DLC1: variants seen among roughly 807,000 people sequenced by gnomAD.
DLC1 encodes rho GTPase-activating protein 7.
DLC1 carries 54 observed loss-of-function variants against 140.3 expected under a neutral mutation model. The observed-to-expected ratio is 0.38, with a 90% CI of 0.31 to 0.48. The LOEUF (loss-of-function observed/expected upper bound fraction) is 0.48, where lower values mean the gene tolerates loss of function less well. DLC1 is among the 20% of genes least tolerant of loss of function. The pLI is 0.96. For synonymous variants in DLC1, 986 were observed against 728.1 expected (o/e 1.35, Z -5.70); for missense variants, 2,536 against 1,907.0 (o/e 1.33, Z -6.14).
chr8:13,350,674 C>G (rs370022943), intron 4 of DLC1, among the ~76,000 whole-genome samples: 3 of 151,962 alleles, frequency 2.0e-5, no homozygotes, highest in African/African-American at 7.3e-5. Context: ...CTAGATGGCA[C>G]CACTGCACTC....
chr8:13,239,489 T>C (rs1256156757), intron 5 of DLC1, among the ~76,000 whole-genome samples: 1 of 152,148 alleles, frequency 6.6e-6, no homozygotes, highest in Non-Finnish European at 1.5e-5. Context: ...GGCACATAAT[T>C]GCCAAGTGAG....
chr8:13,153,763 G>A (rs1278270653), intron 5 of DLC1, among the ~76,000 whole-genome samples: 1 of 151,776 alleles, frequency 6.6e-6, no homozygotes, highest in Middle Eastern at 3.4e-3. Flanking sequence ...CAAACCTAGA[G>A]GTAGACACAG....
At chr8:13,416,818 C>G (rs547065746) in intron 2 of DLC1, among the ~76,000 whole-genome samples, 7 of 152,128 alleles carry the variant, frequency 4.6e-5, no homozygotes, top group African/African-American at 1.2e-4. Context: ...GGCCTGGGAA[C>G]CTGCCCTTTG....
intron 5 of DLC1, among the ~76,000 whole-genome samples, chr8:13,143,043 CAAAA>C (rs552138951): frequency 7.4e-5 from 9 of 121,426 alleles, no homozygotes; most frequent in African/African-American, 2.4e-4. Context: ...AACTCCGTCT[CAAAA>C]AAAAAAAAAA....
rs868169210 is a variant in DLC1, at chr8:13,553,646, C to T, written c.-126+50891G>A. 2.6e-5 allele frequency among the ~76,000 whole-genome samples: 4 copies of T among 152,040 alleles called. No homozygotes were observed. In the Middle Eastern group the frequency reaches 0.01, roughly 388 times the overall value. On this transcript the variant is annotated intron_variant, in intron 1 of 1. Coordinates refer to the DLC1 transcript ENST00000631382. ...TGGATTGCAGGCATGAGCCACTGCT[C>T]TCAGCCTCTCCATTTTTCTGTCCCC...
intron 4 of DLC1, among the ~76,000 whole-genome samples, chr8:13,330,339 A>T (rs1170562577): frequency 6.6e-6 from 1 of 152,202 alleles, no homozygotes; most frequent in Admixed American, 6.5e-5. Context: ...ACAACCTGGC[A>T]GAGGTGGAAC....
chr8:13,228,333 T>C, intron 5 of DLC1, among the ~76,000 whole-genome samples: 1 of 151,212 alleles, frequency 6.6e-6, no homozygotes, highest in South Asian at 2.1e-4. Context: ...AGGGAACATC[T>C]AAATAAAAGT....
At chr8:13,239,048 A>T (rs555120422) in intron 5 of DLC1, among the ~76,000 whole-genome samples, 2 of 152,208 alleles carry the variant, frequency 1.3e-5, no homozygotes, top group Admixed American at 1.3e-4. Flanking sequence ...ATATACAATC[A>T]CTTGGTTTTT....
chr8:13,389,479 A>G (rs74374984), intron 4 of DLC1, among the ~76,000 whole-genome samples: 3,519 of 152,220 alleles, frequency 0.023, 73 homozygotes, highest in South Asian at 0.085. Context: ...TTAGGAGAGA[A>G]ATTGATGAGC....
chr8:13,369,559 C>T (rs149165844), intron 4 of DLC1, among the ~76,000 whole-genome samples: 56 of 152,208 alleles, frequency 3.7e-4, no homozygotes, highest in African/African-American at 1.2e-3. Flanking sequence ...TCTAGTAGCT[C>T]GGGCAGAAGC....
At chr8:13,563,429 A>C (rs1314861361) in intron 1 of DLC1, among the ~76,000 whole-genome samples, 1 of 152,212 alleles carries the variant, frequency 6.6e-6, no homozygotes, top group Non-Finnish European at 1.5e-5. Flanking sequence ...TGATGTACAG[A>C]AACTATAAAT....
At chr8:13,579,047 A>C (rs1274924251) in intron 1 of DLC1, among the ~76,000 whole-genome samples, 1 of 151,518 alleles carries the variant, frequency 6.6e-6, no homozygotes, top group African/African-American at 2.4e-5. Flanking sequence ...GCACTAGAAC[A>C]AAAGAGACTC....
chr8:13,401,846 A>T (rs1837314218), intron 2 of DLC1, among the ~76,000 whole-genome samples: 1 of 152,212 alleles, frequency 6.6e-6, no homozygotes, highest in Admixed American at 6.5e-5. Flanking sequence ...TGTAAAGCAA[A>T]GTGCAATGAA....
chr8:13,433,326 G>T (rs181203132), intron 2 of DLC1, among the ~76,000 whole-genome samples: 17 of 152,230 alleles, frequency 1.1e-4, no homozygotes, highest in Non-Finnish European at 1.8e-4. Context: ...TTAATGGGCA[G>T]GATGAAAGAA....
chr8:13,462,056 G>A (rs915993651), intron 2 of DLC1, among the ~76,000 whole-genome samples: 3 of 152,108 alleles, frequency 2.0e-5, no homozygotes, highest in African/African-American at 7.2e-5. Context: ...AATGGGATGG[G>A]CACATTATAG....
chr8:13,580,109 T>A (rs1805030725), intron 1 of DLC1, among the ~76,000 whole-genome samples: 1 of 128,078 alleles, frequency 7.8e-6, no homozygotes, highest in Non-Finnish European at 1.6e-5. Context: ...GCTTCTAATT[T>A]AAGTTGGTTA....
chr8:13,090,886 C>G lies in DLC1; in HGVS notation c.3856-416G>C, dbSNP rs567681196. On this transcript the variant is annotated intron_variant, in intron 14 of 17. Coordinates refer to ENST00000276297, the MANE Select transcript of DLC1 (RefSeq NM_182643.3). Reference sequence around the variant, plus strand: ...TGGCAAAATATTGGTTCATTGCAACCTCCACATCCCTGGGCTCAGGTGATC... The same window carrying G: ...TGGCAAAATATTGGTTCATTGCAACGTCCACATCCCTGGGCTCAGGTGATC... Among the ~76,000 whole-genome samples, 59 of 151,422 alleles carry G rather than the reference C, an allele frequency of 3.9e-4. No individual in the cohort carries two copies. The South Asian group carries it at 0.012, about 32-fold the overall frequency.
intron 5 of DLC1, among the ~76,000 whole-genome samples, chr8:13,206,797 A>G (rs1032971385): frequency 3.7e-4 from 56 of 152,234 alleles, no homozygotes; most frequent in African/African-American, 1.3e-3. Flanking sequence ...ACCATTTGTT[A>G]CCATACAGAG....
chr8:13,458,429 A>G (rs1799511494), intron 2 of DLC1, among the ~76,000 whole-genome samples: 1 of 152,150 alleles, frequency 6.6e-6, no homozygotes, highest in African/African-American at 2.4e-5. Context: ...TGAAGTTTTG[A>G]TTTTTTTGGA....
Sources: allele counts gnomAD v4.1 joint callset (sites outside exome capture counted in the v4.1 genomes callset), GRCh38; gene constraint gnomAD v4.1.1; transcripts MANE v1.5; gene names NCBI Gene and HGNC (gene_info 2026-07-23, HGNC 2026-07-21).